Variants in ENOX2 observed in about 807,000 individuals in gnomAD.
ENOX2 encodes ecto-NOX disulfide-thiol exchanger 2, also known as APK1 antigen.
Under a neutral mutation model 45.0 loss-of-function variants are expected in ENOX2, and 36 were observed. The ratio of observed to expected loss-of-function variants is 0.80; its 90% CI spans 0.61 to 1.06. The LOEUF (loss-of-function observed/expected upper bound fraction) is 1.06, where lower values mean the gene tolerates loss of function less well. ENOX2 is among the 50% of genes least tolerant of loss of function. The probability of loss-of-function intolerance (pLI) is 0.00; values close to 1 mark genes in which losing one functional copy is unlikely to be tolerated. For missense variants in ENOX2, 423 were observed against 462.5 expected (o/e 0.91, Z 0.78); for synonymous variants, 174 against 152.3 (o/e 1.14, Z -1.05).
At chrX:130,830,214 A>T (rs2077795190) in intron 2 of ENOX2, among the ~76,000 whole-genome samples, 1 of 111,618 alleles carries the variant, frequency 9.0e-6, no homozygotes, top group African/African-American at 3.3e-5. Flanking sequence ...TTGAATGGGG[A>T]AAAATGCACA....
chrX:130,741,069 T>C (rs2038969938), intron 3 of ENOX2, among the ~76,000 whole-genome samples: 1 of 111,974 alleles, frequency 8.9e-6, no homozygotes, highest in Non-Finnish European at 1.9e-5. Context: ...AACTTCATTT[T>C]TATACATTTG....
intron 12 of ENOX2, among the ~76,000 whole-genome samples, chrX:130,632,978 G>C (rs946295895): frequency 6.2e-5 from 7 of 112,012 alleles, no homozygotes; most frequent in African/African-American, 2.3e-4. Flanking sequence ...AACAGATTGG[G>C]GTTGATTTAA....
At chrX:130,828,958 C>A (rs2077770233) in intron 2 of ENOX2, among the ~76,000 whole-genome samples, 1 of 111,754 alleles carries the variant, frequency 8.9e-6, no homozygotes, top group African/African-American at 3.2e-5. Flanking sequence ...GCATGGCATT[C>A]AACTCAAAAG....
At chrX:130,667,986 T>C (rs1224957519) in intron 7 of ENOX2, among the ~76,000 whole-genome samples, 1 of 110,338 alleles carries the variant, frequency 9.1e-6, no homozygotes, top group Non-Finnish European at 1.9e-5. Flanking sequence ...GAAAGAGAAA[T>C]GTTTCCTTGA....
At chrX:130,785,910 T>A (rs2076962470) in intron 2 of ENOX2, among the ~76,000 whole-genome samples, 1 of 112,499 alleles carries the variant, frequency 8.9e-6, no homozygotes. Context: ...TGGTCTCTCT[T>A]AGTCTTGGTT....
At chrX:130,752,609 C>A (rs952182322) in intron 3 of ENOX2, among the ~76,000 whole-genome samples, 1 of 111,098 alleles carries the variant, frequency 9.0e-6, no homozygotes, top group South Asian at 3.9e-4. Flanking sequence ...CTCTCTGCAA[C>A]AGTTTCTTTT....
At chrX:130,771,934 AC>A (rs1435097697) in intron 3 of ENOX2, among the ~76,000 whole-genome samples, 2 of 112,024 alleles carry the variant, frequency 1.8e-5, no homozygotes, top group Non-Finnish European at 3.8e-5. Context: ...TGGTGAAAAG[AC>A]TTTCACTTAC....
At chrX:130,752,214 T>G (rs1348475031) in intron 3 of ENOX2, among the ~76,000 whole-genome samples, 1 of 108,956 alleles carries the variant, frequency 9.2e-6, no homozygotes, top group East Asian at 2.9e-4. Context: ...CCCCATCTGT[T>G]TCCTCTATTT....
At chrX:130,721,862 T>C (rs922516221) in intron 3 of ENOX2, among the ~76,000 whole-genome samples, 3 of 112,236 alleles carry the variant, frequency 2.7e-5, no homozygotes, top group Non-Finnish European at 5.6e-5. Context: ...TTGCTATCTC[T>C]TTTTCAGACA....
intron 2 of ENOX2, among the ~76,000 whole-genome samples, chrX:130,869,360 T>C (rs777429209): frequency 2.2e-4 from 25 of 111,543 alleles, no homozygotes; most frequent in African/African-American, 6.8e-4. Flanking sequence ...CCTAATCACC[T>C]ATTTAAAAAT....
chrX:130,885,641 T>C (rs1434379675), intron 2 of ENOX2, among the ~76,000 whole-genome samples: 1 of 112,058 alleles, frequency 8.9e-6, no homozygotes, highest in Non-Finnish European at 1.9e-5. Context: ...CACTGTGGAA[T>C]TGAGAGCTGG....
At chrX:130,646,044 G>A (rs1489346510) in intron 10 of ENOX2, 9 of 560,544 alleles carry the variant, frequency 1.6e-5, no homozygotes, top group Non-Finnish European at 2.6e-5. Flanking sequence ...TAACGTCAAC[G>A]TCCCTAGCAC....
chrX:130,785,013 G>A (rs968381319), intron 2 of ENOX2, among the ~76,000 whole-genome samples: 1 of 109,233 alleles, frequency 9.2e-6, no homozygotes, highest in African/African-American at 3.3e-5. Flanking sequence ...GGTCAATCAA[G>A]TTTCAATAAA....
chrX:130,699,712 A>C (rs2037849849), intron 4 of ENOX2, among the ~76,000 whole-genome samples: 1 of 111,712 alleles, frequency 9.0e-6, no homozygotes, highest in Admixed American at 9.5e-5. Flanking sequence ...GTGTCGTGCC[A>C]ACCTTCCATT....
chrX:130,903,017 CCA>C (rs2079175448), intron 1 of ENOX2, 30 bp downstream of exon 1: 1 of 111,248 alleles, frequency 9.0e-6, no homozygotes, highest in South Asian at 3.9e-4. Flanking sequence ...CAGTCCCCAG[CCA>C]CGGCCACCGG....
intron 2 of ENOX2, among the ~76,000 whole-genome samples, chrX:130,897,969 A>C (rs2079085986): frequency 2.7e-5 from 3 of 111,712 alleles, no homozygotes; most frequent in Admixed American, 9.5e-5. Context: ...GGTATGCCCC[A>C]AAGTAAGACA....
chrX:130,663,626 C>T (rs538815647), intron 9 of ENOX2, among the ~76,000 whole-genome samples: 43 of 110,017 alleles, frequency 3.9e-4, no homozygotes, highest in Admixed American at 8.7e-4. Flanking sequence ...TGTACTGTCA[C>T]GGCTTTCCTT....
At chrX:130,713,802 A>G (rs2038256067) in intron 3 of ENOX2, among the ~76,000 whole-genome samples, 1 of 111,884 alleles carries the variant, frequency 8.9e-6, no homozygotes, top group Non-Finnish European at 1.9e-5. Flanking sequence ...AAGTCATATA[A>G]TTCTTTTCCT....
chrX:130,776,511 C>T (rs1281822104), intron 3 of ENOX2, among the ~76,000 whole-genome samples: 1 of 110,580 alleles, frequency 9.0e-6, no homozygotes, highest in Non-Finnish European at 1.9e-5. Flanking sequence ...CCTGCTTTCG[C>T]CATGTGACAT....
Sources: allele counts gnomAD v4.1 joint callset (sites outside exome capture counted in the v4.1 genomes callset), GRCh38; gene constraint gnomAD v4.1.1; transcripts MANE v1.5; gene names NCBI Gene and HGNC (gene_info 2026-07-23, HGNC 2026-07-21).